Variants in NDST1 observed in about 807,000 individuals in gnomAD.
NDST1 encodes the protein N-deacetylase and N-sulfotransferase 1.
Under a neutral mutation model 92.8 loss-of-function variants are expected in NDST1, and 35 were observed. That is an observed-to-expected ratio of 0.38 (90% CI 0.29 to 0.50). The LOEUF (loss-of-function observed/expected upper bound fraction) is 0.50, where lower values mean the gene tolerates loss of function less well. NDST1 is among the 20% of genes least tolerant of loss of function. The pLI is 0.94. For missense variants in NDST1, 822 were observed against 1,182.7 expected, an observed-to-expected ratio of 0.69 and a Z score of 4.47; for synonymous variants, 493 against 500.3, an observed-to-expected ratio of 0.99 and a Z score of 0.19.
rs980916757 is a variant in NDST1 at position 150,554,653 on chromosome 5, G to T, written c.*1321G>T. 5 of 152,762 alleles carry T rather than the reference G, an allele frequency of 3.3e-5. No homozygotes were observed. The highest frequency in any genetic ancestry group is 1.3e-4 in the Admixed American group (2 of 15,274). 9.5% of individuals were successfully genotyped at this position (152,762 alleles called of 1,614,324 possible). ...CTGCGTGAAGTCCAGTGACCCTGAGGGGATTTTGGCCAAAGGAAACAGCCA... is the reference window on the plus strand; with the variant it reads ...CTGCGTGAAGTCCAGTGACCCTGAGTGGATTTTGGCCAAAGGAAACAGCCA... On this transcript the variant is annotated 3_prime_UTR_variant, in exon 15 of 15. Coordinates refer to ENST00000261797, the MANE Select transcript of NDST1 (RefSeq NM_001543.5).
chr5:150,502,005 G>A (rs1430947364), intron 1 of NDST1, among the ~76,000 whole-genome samples: 1 of 152,200 alleles, frequency 6.6e-6, no homozygotes. Flanking sequence ...GTGGCCAGAG[G>A]CAGGGCTGAA....
intron 1 of NDST1, among the ~76,000 whole-genome samples, chr5:150,514,176 T>C (rs934498453): frequency 2.0e-5 from 3 of 152,230 alleles, no homozygotes; most frequent in Non-Finnish European, 2.9e-5. Flanking sequence ...CACTGAACAG[T>C]TGTGTGATGT....
rs866329787 is a variant in NDST1, at chr5:150,521,312, C to T, written c.58C>T (p.Leu20Phe). 6.2e-7 allele frequency: 1 copy of T among 1,613,242 alleles called. No individual in the cohort carries two copies. The highest frequency in any genetic ancestry group is 8.5e-7 in the Non-Finnish European group (1 of 1,179,914). The change falls in exon 2 of 15, where the codon CTT (leucine) becomes TTT (phenylalanine). Residue 20 changes from leucine to phenylalanine, a missense_variant. By Grantham distance (22) the Leu-to-Phe change is conservative. Transcript: ENST00000261797. This position sits in a 1 kb window ranked among gnomAD's most constrained non-coding sequence, Gnocchi z 5.9. ...TCGGCACGTGTCCCCGCAGGCTGTC[C>T]TTTTCCTGCTGTTCATCTTCTGCCT... The part of the protein sequence containing the change: ...LCRHVSPQAV[L>F]FLLFIFCLFS...
Position 150,557,123 on chromosome 5 carries a change from C to T in NDST1, c.*3791C>T, listed in dbSNP as rs545949376. ...CTTCACTTCTGCCTAAGATGCGCCTCCACTGTCACCTGTACCAAGTGCCAA... is the reference window on the plus strand; with the variant it reads ...CTTCACTTCTGCCTAAGATGCGCCTTCACTGTCACCTGTACCAAGTGCCAA... On this transcript the variant is annotated 3_prime_UTR_variant, in exon 15 of 15. Coordinates refer to ENST00000261797, the MANE Select transcript of NDST1 (RefSeq NM_001543.5). The surrounding 1 kb of genome is among the most constrained non-coding windows in gnomAD (Gnocchi z 4.7). 1 of 152,712 alleles carries T rather than the reference C, an allele frequency of 6.5e-6. No individual in the cohort carries two copies. The highest frequency in any genetic ancestry group is 1.9e-4 in the East Asian group (1 of 5,182). 9.5% of individuals were successfully genotyped at this position (152,712 alleles called of 1,614,324 possible).
In NDST1 at chr5:150,508,936, GC is replaced by G. The variant is rs1467926318; in HGVS notation, c.-388+713del. ...GAGGCTCAGAGAAGGGAAGGGACTT[GC>G]CCAGAGACTCACAGGCGGCAATGGA... On this transcript the variant is annotated intron_variant, in intron 1 of 14. Transcript: ENST00000261797. Among the ~76,000 whole-genome samples, 5 of 152,284 alleles carry G rather than the reference GC, an allele frequency of 3.3e-5. No homozygotes were observed. The East Asian group carries it at 9.7e-4, about 29-fold the overall frequency.
intron 12 of NDST1, among the ~76,000 whole-genome samples, 197 bp from the exon 13 acceptor site, chr5:150,549,481 G>C (rs1206930485): frequency 1.3e-5 from 2 of 152,228 alleles, no homozygotes; most frequent in African/African-American, 4.8e-5. Context: ...TTGGGCAGCA[G>C]AAGCTGGTGG....
At position 150,521,654 on chromosome 5, in the gene NDST1, G is replaced by C; in HGVS notation, c.400G>C (p.Ala134Pro). 1 of 1,614,080 alleles carries C rather than the reference G, an allele frequency of 6.2e-7. No individual in the cohort carries two copies. The highest frequency in any genetic ancestry group is 1.1e-5 in the South Asian group (1 of 91,092). Residue 134 changes from alanine to proline, a missense_variant, in exon 2 of 15, where the codon GCC becomes CCC. Transcript: ENST00000261797. This position sits in a 1 kb window ranked among gnomAD's most constrained non-coding sequence, Gnocchi z 5.9. ...CACTGACAAGGGCCGTGGCCGCTTC[G>C]CCCTCATCATCTATGAGAACATCCT... The part of the protein sequence containing the change: ...TLTDKGRGRF[A>P]LIIYENILKY...
At chr5:150,511,531 C>T (rs775719938) in intron 1 of NDST1, among the ~76,000 whole-genome samples, 7 of 152,162 alleles carry the variant, frequency 4.6e-5, no homozygotes, top group Non-Finnish European at 8.8e-5. Context: ...GAGTGGGGCA[C>T]ACCAGACGGC....
intron 6 of NDST1, among the ~76,000 whole-genome samples, chr5:150,538,588 G>A (rs769183721): frequency 1.6e-4 from 24 of 152,184 alleles, no homozygotes; most frequent in Non-Finnish European, 2.5e-4. Context: ...AGGGTTTTTA[G>A]TCTGAGGTGC....
rs1040288040 is a variant in NDST1 at position 150,528,113 on chromosome 5, G to A, written c.823G>A (p.Gly275Ser). The change falls in exon 3 of 15, where the codon GGC becomes AGC. Residue 275 changes from glycine (G) to serine (S), a missense_variant. By Grantham distance (56) the Gly-to-Ser change is moderately conservative. Coordinates refer to ENST00000261797, the MANE Select transcript of NDST1 (RefSeq NM_001543.5). ...TVVQDLGLHD[G>S]IQRVLFGNNL... ...GGTCCAGGACCTGGGCCTGCACGAC[G>A]GCATCCAGCGCGTGCTGTTTGGCAA... 10 of 1,613,976 alleles carry A rather than the reference G, an allele frequency of 6.2e-6. No individual in the cohort carries two copies. The highest frequency in any genetic ancestry group is 6.8e-6 in the Non-Finnish European group (8 of 1,179,858).
At chr5:150,505,074 C>T (rs762843451), upstream of NDST1, among the ~76,000 whole-genome samples, 2 of 152,206 alleles carry the variant, frequency 1.3e-5, no homozygotes, top group Non-Finnish European at 2.9e-5. Context: ...GATACCGCAG[C>T]AATGCCTGTG....
intron 3 of NDST1, among the ~76,000 whole-genome samples, chr5:150,531,902 G>A (rs1181855968): frequency 2.0e-5 from 3 of 152,202 alleles, no homozygotes; most frequent in Non-Finnish European, 4.4e-5. Flanking sequence ...TTGACTCGAA[G>A]AGTACTGGGT....
intron 1 of NDST1, 130 bp from the exon 2 acceptor site, chr5:150,520,738 C>A (rs923676469): frequency 7.7e-6 from 3 of 391,028 alleles, no homozygotes; most frequent in Non-Finnish European, 1.4e-5. Context: ...GAGCTTGCTC[C>A]AAATCATGCA....
intron 8 of NDST1, 30 bp from the exon 9 acceptor site, chr5:150,541,540 C>A (rs1259997504): frequency 6.2e-7 from 1 of 1,607,174 alleles, no homozygotes; most frequent in Non-Finnish European, 8.5e-7. Flanking sequence ...TTCTGGGGCG[C>A]CCCACACATC....
rs1341477598 is a variant in NDST1 at position 150,557,742 on chromosome 5, A to G, written c.*4410A>G. Reference sequence around the variant, plus strand: ...CAGCTGTGGGCTGGCTGCCCTTGCCAGCTCAGACGGCTGGCGAGTTTTCAG... The same window carrying G: ...CAGCTGTGGGCTGGCTGCCCTTGCCGGCTCAGACGGCTGGCGAGTTTTCAG... On this transcript the variant is annotated 3_prime_UTR_variant, in exon 15 of 15. Coordinates refer to ENST00000261797, the MANE Select transcript of NDST1 (RefSeq NM_001543.5). This position sits in a 1 kb window ranked among gnomAD's most constrained non-coding sequence, Gnocchi z 4.7. 1 of 152,502 alleles carries G rather than the reference A, an allele frequency of 6.6e-6. No individual in the cohort carries two copies. Among genetic ancestry groups the G allele is most frequent in the Non-Finnish European group, 1.5e-5 (1 of 68,040 alleles). 9.4% of individuals were successfully genotyped at this position (152,502 alleles called of 1,614,324 possible).
chr5:150,502,825 G>A (rs1232655173), intron 1 of NDST1, among the ~76,000 whole-genome samples: 2 of 151,702 alleles, frequency 1.3e-5, no homozygotes, highest in African/African-American at 4.8e-5. Flanking sequence ...CGGAAGGGTG[G>A]GGTGGAGGTT....
chr5:150,534,714 G>A (rs1754905014), intron 4 of NDST1, among the ~76,000 whole-genome samples, 153 bp from the exon 5 acceptor site: 1 of 152,220 alleles, frequency 6.6e-6, no homozygotes, highest in Non-Finnish European at 1.5e-5. Context: ...GCTCTGGGCT[G>A]GGGCTCTGTC....
intron 1 of NDST1, among the ~76,000 whole-genome samples, chr5:150,512,319 T>C (rs1311970158): frequency 6.6e-6 from 1 of 152,056 alleles, no homozygotes; most frequent in Non-Finnish European, 1.5e-5. Flanking sequence ...GGAAATAAAA[T>C]GTGGGCTGGG....
At chr5:150,505,780 A>T (rs11167505), upstream of NDST1, among the ~76,000 whole-genome samples, 28,209 of 152,120 alleles carry the variant, frequency 0.19, 3,086 homozygotes, top group Admixed American at 0.29. Flanking sequence ...CTCGTTTTTT[A>T]AAATTTTATT....
Sources: allele counts gnomAD v4.1 joint callset (sites outside exome capture counted in the v4.1 genomes callset), GRCh38; gene constraint gnomAD v4.1.1; non-coding constraint Gnocchi (gnomAD v3.1); transcripts MANE v1.5; gene names NCBI Gene and HGNC (gene_info 2026-07-23, HGNC 2026-07-21).